Variants in KLHL1 observed in about 807,000 individuals in gnomAD.
KLHL1 encodes the protein kelch like family member 1, also known as kelch-like protein 1.
Under a neutral mutation model 77.7 loss-of-function variants are expected in KLHL1, and 47 were observed. That is an observed-to-expected ratio of 0.60 (90% CI 0.48 to 0.77). The LOEUF (loss-of-function observed/expected upper bound fraction) is 0.77, where lower values mean the gene tolerates loss of function less well. Among genes scored for constraint, KLHL1 ranks in the 30% least tolerant of loss-of-function variants. The pLI is 0.00. For missense variants in KLHL1, 925 were observed against 910.8 expected (o/e 1.02, Z -0.20); for synonymous variants, 360 against 325.2 (o/e 1.11, Z -1.15).
chr13:70,062,047 C>T (rs1344093034), intron 1 of KLHL1, among the ~76,000 whole-genome samples: 1 of 152,158 alleles, frequency 6.6e-6, no homozygotes, highest in Non-Finnish European at 1.5e-5. Flanking sequence ...ATTCATTCCT[C>T]CTGTCTAGTT....
chr13:70,021,869 G>T (rs1046499128), intron 1 of KLHL1, among the ~76,000 whole-genome samples: 5 of 151,804 alleles, frequency 3.3e-5, no homozygotes, highest in Non-Finnish European at 7.4e-5. Flanking sequence ...GAGCTTTAAG[G>T]GTTCTTTGTA....
intron 1 of KLHL1, among the ~76,000 whole-genome samples, chr13:69,988,990 T>G (rs1197446338): frequency 2.6e-5 from 4 of 152,152 alleles, no homozygotes; most frequent in Non-Finnish European, 5.9e-5. Context: ...AATTTTTGCT[T>G]TTGCTGAATT....
rs547326431 is a variant in KLHL1, at chr13:69,756,437, C to T, written c.1640-15881G>A. On this transcript the variant is annotated intron_variant, in intron 7 of 10. Transcript: ENST00000377844. ...GTCATCATTAACAAAAAACTTTGCC[C>T]TCCAATAGTAGCAATTTGCAGAAAC... is the stretch of plus-strand genomic sequence containing the variant. Among the ~76,000 whole-genome samples the T allele has an allele frequency of 9.2e-5, 14 of 152,104 alleles. No individual in the cohort carries two copies. The South Asian group carries it at 2.3e-3, about 25-fold the overall frequency.
chr13:69,974,065 C>T (rs56195401), intron 2 of KLHL1, among the ~76,000 whole-genome samples: 6,385 of 151,920 alleles, frequency 0.042, 188 homozygotes, highest in African/African-American at 0.084. Context: ...TCGTGCTACC[C>T]GATCATGAGT....
At chr13:69,908,327 T>C (rs919450840) in intron 4 of KLHL1, among the ~76,000 whole-genome samples, 3 of 151,762 alleles carry the variant, frequency 2.0e-5, no homozygotes, top group Admixed American at 6.6e-5. Context: ...AAGATGCAGA[T>C]TAAAGTGTAA....
chr13:69,847,569 A>C (rs7317137), intron 5 of KLHL1, among the ~76,000 whole-genome samples: 14,895 of 151,524 alleles, frequency 0.098, 885 homozygotes, highest in Non-Finnish European at 0.13. Flanking sequence ...AACATATTAT[A>C]GACCAAAGAA....
chr13:69,729,149 C>A (rs549945545), intron 8 of KLHL1, among the ~76,000 whole-genome samples: 4 of 152,230 alleles, frequency 2.6e-5, no homozygotes, highest in African/African-American at 9.6e-5. Context: ...TTTGGCCAAG[C>A]ACCACACATC....
At chr13:69,813,482 A>G (rs1252119730) in intron 6 of KLHL1, among the ~76,000 whole-genome samples, 1 of 60,168 alleles carries the variant, frequency 1.7e-5, no homozygotes, top group East Asian at 3.9e-4. Context: ...ACACACACAT[A>G]CACACACACA....
intron 8 of KLHL1, among the ~76,000 whole-genome samples, chr13:69,724,790 C>T (rs1396344868): frequency 6.6e-6 from 1 of 152,088 alleles, no homozygotes; most frequent in Non-Finnish European, 1.5e-5. Flanking sequence ...AAAATCAGCA[C>T]ATTTTCATGA....
At chr13:70,029,256 C>A (rs1383544054) in intron 1 of KLHL1, among the ~76,000 whole-genome samples, 3 of 151,994 alleles carry the variant, frequency 2.0e-5, no homozygotes, top group Non-Finnish European at 4.4e-5. Context: ...CTGGAAATGG[C>A]TGAATATATG....
chr13:69,969,731 A>C (rs1033849014), intron 2 of KLHL1, among the ~76,000 whole-genome samples: 2 of 152,174 alleles, frequency 1.3e-5, no homozygotes, highest in Non-Finnish European at 2.9e-5. Context: ...TACTGCATTT[A>C]GATTTGGTGA....
intron 1 of KLHL1, among the ~76,000 whole-genome samples, chr13:70,010,394 C>A (rs1885504889): frequency 6.6e-6 from 1 of 152,048 alleles, no homozygotes; most frequent in East Asian, 1.9e-4. Flanking sequence ...TGCTTTGGGG[C>A]ATTCTCCAAA....
chr13:70,055,181 G>T (rs1886715264), intron 1 of KLHL1, among the ~76,000 whole-genome samples: 1 of 151,924 alleles, frequency 6.6e-6, no homozygotes, highest in African/African-American at 2.4e-5. Context: ...TCAGCAAAAG[G>T]GAGGAAACAT....
At chr13:70,085,008 A>G (rs1417852212) in intron 1 of KLHL1, among the ~76,000 whole-genome samples, 2 of 152,156 alleles carry the variant, frequency 1.3e-5, no homozygotes, top group African/African-American at 4.8e-5. Flanking sequence ...AATCAAAATC[A>G]TACCATCCAT....
At chr13:69,916,713 A>C (rs1882455223) in intron 4 of KLHL1, among the ~76,000 whole-genome samples, 1 of 152,132 alleles carries the variant, frequency 6.6e-6, no homozygotes, top group African/African-American at 2.4e-5. Context: ...CACATTGTGC[A>C]CATGTACCCT....
intron 1 of KLHL1, among the ~76,000 whole-genome samples, chr13:70,086,292 AG>A (rs1887534938): frequency 6.6e-6 from 1 of 151,546 alleles, no homozygotes; most frequent in Admixed American, 6.6e-5. Flanking sequence ...AAAAAAAAAA[AG>A]TAGACCTGGC....
At chr13:70,086,281 C>CA (rs71707367) in intron 1 of KLHL1, among the ~76,000 whole-genome samples, 39,123 of 145,406 alleles carry the variant, frequency 0.27, 5,241 homozygotes, top group Admixed American at 0.32. Context: ...TAAAAAGTTT[C>CA]AAAAAAAAAA....
At chr13:70,031,122 AAAC>A (rs386772065) in intron 1 of KLHL1, among the ~76,000 whole-genome samples, 92,826 of 151,624 alleles carry the variant, frequency 0.61, 29,889 homozygotes, top group East Asian at 0.81. Flanking sequence ...AACCAAAAAA[AAAC>A]CCAGATGTTA....
At chr13:69,770,313 G>C (rs577126462) in intron 7 of KLHL1, among the ~76,000 whole-genome samples, 2 of 152,312 alleles carry the variant, frequency 1.3e-5, no homozygotes, top group East Asian at 3.9e-4. Context: ...TGGCCCGAGT[G>C]GGCAGAGTGA....
Sources: gnomAD v4.1 joint callset for allele counts (sites outside exome capture counted in the v4.1 genomes callset) on GRCh38, gnomAD v4.1.1 for gene constraint, MANE v1.5 for transcripts, NCBI Gene and HGNC (gene_info 2026-07-23, HGNC 2026-07-21) for gene names.